The following GAL3ST3 variants were observed in gnomAD, a reference collection of about 807,000 sequenced individuals.
GAL3ST3 encodes the protein beta-galactose-3-O-sulfotransferase 3.
A neutral mutation model predicts 20.8 loss-of-function variants in GAL3ST3; 21 were observed. That is an observed-to-expected ratio of 1.01 (90% CI 0.72 to 1.45). The LOEUF (loss-of-function observed/expected upper bound fraction) is 1.45, where lower values mean the gene tolerates loss of function less well. Among genes scored for constraint, GAL3ST3 ranks in the 40% most tolerant of loss-of-function variants. The probability of loss-of-function intolerance (pLI) is 0.00; values close to 1 mark genes in which losing one functional copy is unlikely to be tolerated. For missense variants in GAL3ST3, 739 were observed against 662.7 expected, an observed-to-expected ratio of 1.12 and a Z score of -1.26; for synonymous variants, 355 against 307.2, an observed-to-expected ratio of 1.16 and a Z score of -1.63.
chr11:66,044,029 A>G (rs2135020589), intron 2 of GAL3ST3, among the ~76,000 whole-genome samples: 1 of 152,300 alleles, frequency 6.6e-6, no homozygotes, highest in East Asian at 1.9e-4. Context: ...GGGATGACAG[A>G]TGATGGGGGA....
In GAL3ST3 at chr11:66,045,315, A is replaced by T; in HGVS notation, c.101T>A (p.Ile34Asn). 6.3e-7 allele frequency: 1 copy of T among 1,592,608 alleles called. No homozygotes were observed. Among genetic ancestry groups the T allele is most frequent in the Middle Eastern group, 1.7e-4 (1 of 5,902 alleles). ...VLGCSTVSLL[I>N]HQGAQLSWYP... ...CCAGCTGAGCTGCGCCCCCTGGTGG[A>T]TGAGAAGGCTTACGGTGCTGCACCC... is the stretch of plus-strand genomic sequence containing the variant. Residue 34 changes from isoleucine (I) to asparagine (N), a missense_variant, in exon 2 of 3, where the codon ATC becomes AAC. By Grantham distance (149) the Ile-to-Asn change is moderately radical (BLOSUM62 -3). Coordinates refer to ENST00000312006, the MANE Select transcript of GAL3ST3 (RefSeq NM_033036.3).
chr11:66,043,455 C>T lies in GAL3ST3; in HGVS notation c.348G>A (p.Val116=), dbSNP rs769581792. The T allele has an allele frequency of 6.2e-7, 1 of 1,609,682 alleles. No individual in the cohort carries two copies. Among genetic ancestry groups the T allele is most frequent in the African/African-American group, 1.3e-5 (1 of 74,956 alleles). ...CYPRNFSAHF[V]HPATRPPHVL... ...CGTGCGGCGGCCGCGTGGCCGGGTG[C>T]ACGAAGTGCGCCGAGAAGTTGCGGG... Residue 116 remains valine (V), a synonymous_variant, in exon 3 of 3, where the codon GTG becomes GTA. Coordinates refer to ENST00000312006, the MANE Select transcript of GAL3ST3 (RefSeq NM_033036.3).
chr11:66,043,229 G>C lies in GAL3ST3; in HGVS notation c.574C>G (p.Arg192Gly). The C allele has an allele frequency of 6.2e-7, 1 of 1,612,408 alleles. No individual in the cohort carries two copies. The highest frequency in any genetic ancestry group is 8.5e-7 in the Non-Finnish European group (1 of 1,179,458). The change falls in exon 3 of 3, where the codon CGC becomes GGC. Residue 192 changes from arginine to glycine, a missense_variant. Coordinates refer to ENST00000312006, the MANE Select transcript of GAL3ST3 (RefSeq NM_033036.3). ...AFLRAPEAYYRAGEHFAMFAH... is the reference protein window; with the variant it reads ...AFLRAPEAYYGAGEHFAMFAH... ...AACATGGCGAAGTGCTCGCCAGCGC[G>C]GTAGTATGCCTCGGGCGCGCGCAGG...
chr11:66,045,220 A>G, intron 2 of GAL3ST3, 71 bp downstream of exon 2: 2 of 1,348,698 alleles, frequency 1.5e-6, no homozygotes, highest in South Asian at 1.6e-5. Flanking sequence ...AGCAAAGCCT[A>G]GCAGGACCCT....
At position 66,045,347 on chromosome 11, in the gene GAL3ST3, C is replaced by T. The variant is rs755762255; in HGVS notation, c.69G>A (p.Leu23=). 1.2e-6 allele frequency: 2 copies of T among 1,607,938 alleles called. No homozygotes were observed. Among genetic ancestry groups the T allele is most frequent in the Non-Finnish European group, 1.7e-6 (2 of 1,176,890 alleles). The change falls in exon 2 of 3, where the codon CTG becomes CTA. Residue 23 remains leucine, a synonymous_variant. Coordinates refer to ENST00000312006, the MANE Select transcript of GAL3ST3 (RefSeq NM_033036.3). ...KMMSRRKILL[L]VLGCSTVSLL... is the part of the protein sequence containing the mutation. ...GGCTTACGGTGCTGCACCCTAGCAC[C>T]AGCAGCAGGATTTTCCGGCGGCTCA... is the stretch of plus-strand genomic sequence containing the variant.
chr11:66,042,125 C>A lies in GAL3ST3; in HGVS notation c.*382G>T, dbSNP rs1360740893. 5.7e-6 allele frequency: 1 copy of A among 176,942 alleles called. No individual in the cohort carries two copies. 11.0% of individuals were successfully genotyped at this position (176,942 alleles called of 1,614,324 possible). A position where few individuals can be genotyped will look rare whatever the true frequency, so the allele number is the denominator to read the frequency against. ...GCCCTGGGAGGGAGAGCAAGAGCAGCCTTTCCCTAGGGCTGAGCCTCTCTC... is the reference window on the plus strand; with the variant it reads ...GCCCTGGGAGGGAGAGCAAGAGCAGACTTTCCCTAGGGCTGAGCCTCTCTC... On this transcript the variant is annotated 3_prime_UTR_variant, in exon 3 of 3. Coordinates refer to ENST00000312006, the MANE Select transcript of GAL3ST3 (RefSeq NM_033036.3).
chr11:66,045,689 A>C (rs1856775852), intron 1 of GAL3ST3, 162 bp from the exon 2 acceptor site: 1 of 295,554 alleles, frequency 3.4e-6, no homozygotes. Context: ...TCACTGCTCC[A>C]GATAACTTAG....
Position 66,043,344 on chromosome 11 carries a change from C to T in GAL3ST3, c.459G>A (p.Glu153=), listed in dbSNP as rs1484169909. 6.2e-7 allele frequency: 1 copy of T among 1,610,140 alleles called. No individual in the cohort carries two copies. The highest frequency in any genetic ancestry group is 1.7e-5 in the Admixed American group (1 of 59,654). The change falls in exon 3 of 3, where the codon GAG becomes GAA. Residue 153 remains glutamate, a synonymous_variant. Transcript: ENST00000312006. ...PSTVYVTILR[E]PAAMFESLFS... ...AGAGCGACTCGAACATGGCGGCCGGCTCGCGCAGGATGGTGACATAGACGG... is the reference window on the plus strand; with the variant it reads ...AGAGCGACTCGAACATGGCGGCCGGTTCGCGCAGGATGGTGACATAGACGG...
Position 66,045,402 on chromosome 11 carries a change from AGGATGGGTG to A in GAL3ST3, c.5_13del (p.Pro2_Ile4del). 1 of 1,601,590 alleles carries A rather than the reference AGGATGGGTG, an allele frequency of 6.2e-7. No homozygotes were observed. Among genetic ancestry groups the A allele is most frequent in the East Asian group, 2.3e-5 (1 of 43,746 alleles). ...CTTGGTGGCCTGCTGCAGGCGCTGG[AGGATGGGTG>A]GCATGGCGGAGTACCCACCCCTGGA... On this transcript the variant is annotated inframe_deletion, in exon 2 of 3. Transcript: ENST00000312006.
At position 66,045,291 on chromosome 11, in the gene GAL3ST3, C is replaced by T. The variant is rs776729682; in HGVS notation, c.125G>A (p.Trp42Ter). 3 of 1,565,784 alleles carry T rather than the reference C, an allele frequency of 1.9e-6. No homozygotes were observed. In the South Asian group the frequency reaches 3.5e-5, roughly 18 times the overall value. ...LLIHQGAQLS[W>*]YPKLFPLSCP... ...CCCCCCTGGGGCCCCGCCCCCTTACCAGCTGAGCTGCGCCCCCTGGTGGAT... is the reference window on the plus strand; with the variant it reads ...CCCCCCTGGGGCCCCGCCCCCTTACTAGCTGAGCTGCGCCCCCTGGTGGAT... Residue 42 changes from tryptophan to a stop codon, truncating the protein, a stop_gained and splice_region_variant, in exon 2 of 3, where the codon TGG becomes TAG. Coordinates refer to ENST00000312006, the MANE Select transcript of GAL3ST3 (RefSeq NM_033036.3). LOFTEE classifies it high-confidence loss of function.
Position 66,043,508 on chromosome 11 carries a change from G to C in GAL3ST3, c.295C>G (p.Pro99Ala), listed in dbSNP as rs1222015369. The C allele has an allele frequency of 1.9e-6, 3 of 1,610,470 alleles. No homozygotes were observed. In the South Asian group the frequency reaches 3.3e-5, roughly 18 times the overall value. Reference sequence around the variant, plus strand: ...TAGCAGAACTGGTGCTCGCAGCTCGGGTGCGGCAGGGCCACCGTCAGGTTG... The same window carrying C: ...TAGCAGAACTGGTGCTCGCAGCTCGCGTGCGGCAGGGCCACCGTCAGGTTG... ...RHNLTVALPH[P>A]SCEHQFCYPR... The change falls in exon 3 of 3, where the codon CCG (proline) becomes GCG (alanine). Residue 99 changes from proline to alanine, a missense_variant. By Grantham distance (27) the Pro-to-Ala change is conservative. Transcript: ENST00000312006.
In GAL3ST3 at chr11:66,043,321, AGCG is replaced by A. The variant is rs1173019016; in HGVS notation, c.479_481del (p.Ser160_Leu161delinsPhe). 2.5e-6 allele frequency: 4 copies of A among 1,612,260 alleles called. No homozygotes were observed. Among genetic ancestry groups the A allele is most frequent in the Non-Finnish European group, 3.4e-6 (4 of 1,179,284 alleles). ...GCAGTACTGGTTGTAGTAGCTGAAG[AGCG>A]ACTCGAACATGGCGGCCGGCTCGCG... On this transcript the variant is annotated inframe_deletion, in exon 3 of 3. Transcript: ENST00000312006.
In GAL3ST3 at chr11:66,042,346, G is replaced by C. The variant is rs183300843; in HGVS notation, c.*161C>G. ...CGAAGGCAAGGTTCAGCCCACGATCGGGAGCGGGGGCTCAGATAGGGAGGC... is the reference window on the plus strand; with the variant it reads ...CGAAGGCAAGGTTCAGCCCACGATCCGGAGCGGGGGCTCAGATAGGGAGGC... On this transcript the variant is annotated 3_prime_UTR_variant, in exon 3 of 3. Coordinates refer to ENST00000312006, the MANE Select transcript of GAL3ST3 (RefSeq NM_033036.3). 1.0e-5 allele frequency: 6 copies of C among 583,926 alleles called. No homozygotes were observed. The African/African-American group carries it at 1.2e-4, about 11-fold the overall frequency. The allele number at this position is 583,926 out of a possible 1,614,324, so 36.2% of individuals were successfully genotyped here.
chr11:66,048,463 C>A (rs968175386), intron 1 of GAL3ST3, among the ~76,000 whole-genome samples: 1 of 152,054 alleles, frequency 6.6e-6, no homozygotes, highest in Admixed American at 6.5e-5. Context: ...GACCTGACTG[C>A]TGGATGGCCC....
rs915547812 is a variant in GAL3ST3 at position 66,042,545 on chromosome 11, G to A, written c.1258C>T (p.Pro420Ser). ...EPVLDNPPPRPIRVLPRGPQG... is the reference protein window; with the variant it reads ...EPVLDNPPPRSIRVLPRGPQG... ...GGGCCGCGAGGCAGCACTCGGATGG[G>A]CCGAGGCGGGGGATTGTCCAGGACG... Residue 420 changes from proline (P) to serine (S), a missense_variant, in exon 3 of 3, where the codon CCC (proline) becomes TCC (serine). Coordinates refer to ENST00000312006, the MANE Select transcript of GAL3ST3 (RefSeq NM_033036.3). 3.3e-6 allele frequency: 5 copies of A among 1,517,924 alleles called. No individual in the cohort carries two copies. The African/African-American group carries it at 4.2e-5, about 13-fold the overall frequency. 94.0% of individuals were successfully genotyped at this position (1,517,924 alleles called of 1,614,324 possible).
At position 66,042,764 on chromosome 11, in the gene GAL3ST3, GCGCGGCAGGC is replaced by G. The variant is rs1856722580; in HGVS notation, c.1029_1038del (p.Pro344ArgfsTer114). ...GGCTGCAGCTGCTTGGTGCGGATCT[GCGCGGCAGGC>G]CGCAGCAGTGGCTCGTCCCCGAAGC... On this transcript the variant is annotated frameshift_variant, in exon 3 of 3. Coordinates refer to ENST00000312006, the MANE Select transcript of GAL3ST3 (RefSeq NM_033036.3). LOFTEE classifies it high-confidence loss of function. The G allele has an allele frequency of 2.0e-6, 3 of 1,521,930 alleles. No homozygotes were observed. The highest frequency in any genetic ancestry group is 2.6e-6 in the Non-Finnish European group (3 of 1,141,614). The allele number at this position is 1,521,930 out of a possible 1,614,324, so 94.3% of individuals were successfully genotyped here.
chr11:66,046,294 A>G (rs1234295476), intron 1 of GAL3ST3, among the ~76,000 whole-genome samples: 1 of 152,176 alleles, frequency 6.6e-6, no homozygotes, highest in Non-Finnish European at 1.5e-5. Flanking sequence ...GACTCTGGCA[A>G]TTCTGCATCC....
chr11:66,042,341 C>T lies in GAL3ST3; in HGVS notation c.*166G>A, dbSNP rs1187483504. ...GTGCCCGAAGGCAAGGTTCAGCCCA[C>T]GATCGGGAGCGGGGGCTCAGATAGG... On this transcript the variant is annotated 3_prime_UTR_variant, in exon 3 of 3. Transcript: ENST00000312006. 6.9e-6 allele frequency: 4 copies of T among 577,812 alleles called. No homozygotes were observed. The highest frequency in any genetic ancestry group is 3.9e-5 in the African/African-American group (2 of 50,740). The allele number at this position is 577,812 out of a possible 1,614,324, so 35.8% of individuals were successfully genotyped here. A position where few individuals can be genotyped will look rare whatever the true frequency, so the allele number is the denominator to read the frequency against.
At chr11:66,043,709 G>A in intron 2 of GAL3ST3, 32 bp from the exon 3 acceptor site, 6 of 1,545,684 alleles carry the variant, frequency 3.9e-6, no homozygotes, top group Non-Finnish European at 5.3e-6. Flanking sequence ...CGGAGAGGAG[G>A]GTGTGAGGGG....
Sources: allele counts gnomAD v4.1 joint callset (sites outside exome capture counted in the v4.1 genomes callset), GRCh38; gene constraint gnomAD v4.1.1; transcripts MANE v1.5; gene names NCBI Gene and HGNC (gene_info 2026-07-23, HGNC 2026-07-21).